Variants in CDADC1 observed in about 807,000 individuals in gnomAD.
CDADC1 encodes the protein cytidine and dCMP deaminase domain containing 1, also known as dCTP deaminase.
Under a neutral mutation model 54.9 loss-of-function variants are expected in CDADC1, and 39 were observed. The ratio of observed to expected loss-of-function variants is 0.71; its 90% CI spans 0.55 to 0.93. The LOEUF is 0.93. CDADC1 is among the 40% of genes least tolerant of loss of function. The pLI, the probability that CDADC1 is intolerant of heterozygous loss-of-function variation, is 0.00. For missense variants in CDADC1, 518 were observed against 618.8 expected (o/e 0.84, Z 1.73); for synonymous variants, 186 against 204.0 (o/e 0.91, Z 0.75).
At position 49,265,945 on chromosome 13, in the gene CDADC1, T is replaced by G. The variant is rs967839644; in HGVS notation, c.431-1545T>G. On this transcript the variant is annotated intron_variant, in intron 4 of 9. Transcript: ENST00000251108. ...CATCACTGCTGGTTAGGAAATGGAT[T>G]ATGAGAACTCGAACAGAGGGAAGGT... The G allele has an allele frequency of 2.3e-6, 3 of 1,302,282 alleles. No individual in the cohort carries two copies. In the African/African-American group the frequency reaches 4.6e-5, roughly 20 times the overall value. 80.7% of individuals were successfully genotyped at this position (1,302,282 alleles called of 1,614,324 possible). A position where few individuals can be genotyped will look rare whatever the true frequency, so the allele number is the denominator to read the frequency against.
rs1249322322 is a variant in CDADC1 at position 49,259,476 on chromosome 13, A to G, written c.383A>G (p.Tyr128Cys). 1.9e-6 allele frequency: 3 copies of G among 1,613,830 alleles called. No individual in the cohort carries two copies. In the African/African-American group the frequency reaches 4.0e-5, roughly 22 times the overall value. ...TCAAGGCTGAAAAACTGTGATCTTT[A>G]TTTTTCCAGAAAACCATGTTCTGCT... ...HGSRLKNCDL[Y>C]FSRKPCSACL... Residue 128 changes from tyrosine to cysteine, a missense_variant, in exon 4 of 10, where the codon TAT (tyrosine) becomes TGT (cysteine). Coordinates refer to ENST00000251108, the MANE Select transcript of CDADC1 (RefSeq NM_030911.4).
intron 6 of CDADC1, among the ~76,000 whole-genome samples, chr13:49,275,308 ACTC>A (rs1953076393): frequency 6.6e-6 from 1 of 151,076 alleles, no homozygotes; most frequent in African/African-American, 2.4e-5. Flanking sequence ...CTGGTCTTGA[ACTC>A]CTGGCCTCAA....
At chr13:49,248,225 G>A (rs986397155) in intron 1 of CDADC1, 106 bp downstream of exon 1, 2 of 1,024,290 alleles carry the variant, frequency 2.0e-6, no homozygotes, top group Non-Finnish European at 2.9e-6. Context: ...TGCCTCCCCT[G>A]CTGCTTTTGG....
chr13:49,276,015 C>T (rs1953124287), intron 6 of CDADC1, among the ~76,000 whole-genome samples: 1 of 152,026 alleles, frequency 6.6e-6, no homozygotes, highest in South Asian at 2.1e-4. Flanking sequence ...GATCCACCTG[C>T]CTTGGCCTCC....
At chr13:49,261,658 A>C (rs1952690631) in intron 4 of CDADC1, among the ~76,000 whole-genome samples, 1 of 152,244 alleles carries the variant, frequency 6.6e-6, no homozygotes, top group South Asian at 2.1e-4. Context: ...ACAGAAATGA[A>C]AGAATGTGAA....
At position 49,291,947 on chromosome 13, in the gene CDADC1, T is replaced by A; in HGVS notation, c.*190T>A. 7.3e-7 allele frequency: 1 copy of A among 1,367,790 alleles called. No individual in the cohort carries two copies. Among genetic ancestry groups the A allele is most frequent in the African/African-American group, 1.5e-5 (1 of 68,394 alleles). The allele number at this position is 1,367,790 out of a possible 1,614,324, so 84.7% of individuals were successfully genotyped here. A position where few individuals can be genotyped will look rare whatever the true frequency, so the allele number is the denominator to read the frequency against. On this transcript the variant is annotated 3_prime_UTR_variant, in exon 10 of 10. Coordinates refer to ENST00000251108, the MANE Select transcript of CDADC1 (RefSeq NM_030911.4). ...TTGTCTTTTAGATTTATGTGTGGGTTTTCCATAATGTAGTAGTGTGTTATT... is the reference window on the plus strand; with the variant it reads ...TTGTCTTTTAGATTTATGTGTGGGTATTCCATAATGTAGTAGTGTGTTATT...
At chr13:49,280,770 G>A (rs553783753) in intron 8 of CDADC1, 72 bp downstream of exon 8, 5 of 633,500 alleles carry the variant, frequency 7.9e-6, no homozygotes, top group South Asian at 5.5e-5. Flanking sequence ...AATATTGTAA[G>A]TTAGTGATTC....
At position 49,280,682 on chromosome 13, in the gene CDADC1, G is replaced by A. The variant is rs756465672; in HGVS notation, c.1394G>A (p.Gly465Asp). 1.3e-6 allele frequency: 2 copies of A among 1,574,966 alleles called. No individual in the cohort carries two copies. The highest frequency in any genetic ancestry group is 1.4e-5 in the African/African-American group (1 of 73,124). ...ISYMRFGELE[G>D]VSKFTWQLNP... ...TACATGAGGTTCGGGGAGCTTGAAG[G>A]TGTTAGCAAATTTACGGTAAGTAGA... Residue 465 changes from glycine to aspartate, a missense_variant, in exon 8 of 10, where the codon GGT (glycine) becomes GAT (aspartate). Coordinates refer to ENST00000251108, the MANE Select transcript of CDADC1 (RefSeq NM_030911.4).
chr13:49,280,598 G>A lies in CDADC1; in HGVS notation c.1310G>A (p.Gly437Asp). 6.3e-7 allele frequency: 1 copy of A among 1,595,196 alleles called. No individual in the cohort carries two copies. The highest frequency in any genetic ancestry group is 8.5e-7 in the Non-Finnish European group (1 of 1,170,590). The change falls in exon 8 of 10, where the codon GGC becomes GAC. Residue 437 changes from glycine to aspartate, a missense_variant. By Grantham distance (94) the Gly-to-Asp change is moderately conservative. Transcript: ENST00000251108. ...TGTGTACCTTTAATTAAAGGTGCAG[G>A]CATAAAACAAATCTATGCAGGAGAT... ...DECVPLIKGA[G>D]IKQIYAGDVD...
chr13:49,286,111 G>GCCATTTTTCTT, intron 8 of CDADC1, 111 bp from the exon 9 acceptor site: 1 of 864,442 alleles, frequency 1.2e-6, no homozygotes, highest in Non-Finnish European at 1.8e-6. Context: ...ACTATGCCCA[G>GCCATTTTTCTT]CCATTTTTCT....
intron 2 of CDADC1, among the ~76,000 whole-genome samples, chr13:49,251,176 G>A (rs977242986): frequency 2.0e-5 from 3 of 152,050 alleles, no homozygotes; most frequent in Non-Finnish European, 2.9e-5. Flanking sequence ...TTGGGAGGCC[G>A]AGGCAGGCAG....
intron 2 of CDADC1, among the ~76,000 whole-genome samples, chr13:49,254,401 AC>A (rs1210464059): frequency 2.8e-5 from 2 of 72,444 alleles, no homozygotes; most frequent in East Asian, 9.9e-4. Flanking sequence ...TAACTATCCC[AC>A]CCTTTTTTTT....
intron 2 of CDADC1, among the ~76,000 whole-genome samples, chr13:49,254,486 T>TC (rs1241980525): frequency 3.3e-5 from 5 of 150,228 alleles, no homozygotes; most frequent in Admixed American, 2.7e-4. Flanking sequence ...CACTGCAACC[T>TC]CCATCTCCCG....
intron 1 of CDADC1, 41 bp from the exon 2 acceptor site, chr13:49,248,830 A>G (rs201431229): frequency 3.9e-6 from 5 of 1,283,622 alleles, no homozygotes; most frequent in African/African-American, 1.5e-5. Flanking sequence ...CTTTTTCACC[A>G]TTAGTAACAA....
intron 7 of CDADC1, among the ~76,000 whole-genome samples, chr13:49,279,852 AC>A (rs959395336): frequency 2.0e-5 from 3 of 152,104 alleles, no homozygotes; most frequent in Admixed American, 6.5e-5. Context: ...GCAAAATTTC[AC>A]CCAAAATTCC....
chr13:49,282,440 G>GA (rs906904711), intron 8 of CDADC1, among the ~76,000 whole-genome samples: 4 of 151,852 alleles, frequency 2.6e-5, no homozygotes, highest in African/African-American at 7.2e-5. Context: ...TTTTTATTTG[G>GA]AAAAAACCTT....
Position 49,259,399 on chromosome 13 carries a change from CT to C in CDADC1, c.307del (p.Cys103ValfsTer20), listed in dbSNP as rs1952618292. 1 of 1,613,988 alleles carries C rather than the reference CT, an allele frequency of 6.2e-7. No homozygotes were observed. The highest frequency in any genetic ancestry group is 8.5e-7 in the Non-Finnish European group (1 of 1,179,910). ...VKNMKIVGLH[C>X]SSEDLHAGQI... Reference sequence around the variant, plus strand: ...AAAACATGAAAATTGTTGGTCTCCACTGTTCTAGTGAAGATTTACATGCCGG... The same window carrying C: ...AAAACATGAAAATTGTTGGTCTCCACGTTCTAGTGAAGATTTACATGCCGG... On this transcript the variant is annotated frameshift_variant, in exon 4 of 10. Coordinates refer to ENST00000251108, the MANE Select transcript of CDADC1 (RefSeq NM_030911.4). LOFTEE classifies it high-confidence loss of function.
rs917343889 is a variant in CDADC1 at position 49,292,239 on chromosome 13, G to A, written c.*482G>A. 2 of 980,420 alleles carry A rather than the reference G, an allele frequency of 2.0e-6. No homozygotes were observed. Among genetic ancestry groups the A allele is most frequent in the African/African-American group, 3.5e-5 (2 of 57,082 alleles). The allele number at this position is 980,420 out of a possible 1,614,324, so 60.7% of individuals were successfully genotyped here. The stretch of plus-strand genomic sequence containing the variant: ...CCAAAAGATCACATTTATACCCAAA[G>A]CTTTCTAGTAATCAGAATTTACTTA... On this transcript the variant is annotated 3_prime_UTR_variant, in exon 10 of 10. Transcript: ENST00000251108.
chr13:49,276,802 G>GT (rs1318189966), intron 6 of CDADC1, among the ~76,000 whole-genome samples: 1 of 152,208 alleles, frequency 6.6e-6, no homozygotes, highest in Non-Finnish European at 1.5e-5. Flanking sequence ...GCTCATGAGG[G>GT]TAGGGACTCT....
Sources: gnomAD v4.1 joint callset for allele counts (sites outside exome capture counted in the v4.1 genomes callset) on GRCh38, gnomAD v4.1.1 for gene constraint, MANE v1.5 for transcripts, NCBI Gene and HGNC (gene_info 2026-07-23, HGNC 2026-07-21) for gene names.